PDE11A: variants seen among roughly 807,000 people sequenced by gnomAD.
PDE11A encodes the protein phosphodiesterase 11A.
A neutral mutation model predicts 100.5 loss-of-function variants in PDE11A; 100 were observed. The ratio of observed to expected loss-of-function variants is 1.00; its 90% CI spans 0.85 to 1.18. PDE11A has a LOEUF of 1.18. Among genes scored for constraint, PDE11A ranks in the 50% most tolerant of loss-of-function variants. PDE11A has a pLI of 0.00. For synonymous variants in PDE11A, 381 were observed against 420.8 expected, an observed-to-expected ratio of 0.91 and a Z score of 1.16; for missense variants, 1,141 against 1,152.6, an observed-to-expected ratio of 0.99 and a Z score of 0.15.
At chr2:177,962,911 T>A (rs779407551) in intron 2 of PDE11A, among the ~76,000 whole-genome samples, 23 of 152,152 alleles carry the variant, frequency 1.5e-4, no homozygotes, top group Admixed American at 1.3e-4. Flanking sequence ...TAATACTGTA[T>A]CCAAATGCAT....
chr2:178,009,675 T>A (rs780112518), intron 2 of PDE11A, among the ~76,000 whole-genome samples: 2 of 152,216 alleles, frequency 1.3e-5, no homozygotes, highest in Non-Finnish European at 2.9e-5. Flanking sequence ...ATGTATTACA[T>A]GATGTAGCAC....
At chr2:177,998,474 T>C in intron 2 of PDE11A, 6 of 1,356,876 alleles carry the variant, frequency 4.4e-6, no homozygotes, top group Non-Finnish European at 6.3e-6. Flanking sequence ...TTAGTATATC[T>C]GCCACTCGAG....
intron 5 of PDE11A, among the ~76,000 whole-genome samples, chr2:177,860,327 T>C (rs933970721): frequency 2.6e-5 from 4 of 151,696 alleles, no homozygotes; most frequent in Admixed American, 6.6e-5. Context: ...TTATGAATAA[T>C]GGTATGCCAA....
At chr2:177,916,285 T>C (rs546698911) in intron 2 of PDE11A, among the ~76,000 whole-genome samples, 30 of 152,168 alleles carry the variant, frequency 2.0e-4, no homozygotes, top group Non-Finnish European at 3.1e-4. Context: ...TGAGCAAGAG[T>C]CAGAAAAGAC....
chr2:177,725,307 T>TA (rs1240537151), intron 12 of PDE11A, among the ~76,000 whole-genome samples: 5 of 152,158 alleles, frequency 3.3e-5, no homozygotes, highest in Admixed American at 6.6e-5. Context: ...AGAAGATACT[T>TA]ACGTTAGAGA....
At chr2:178,078,197 T>G (rs2087231844) in intron 2 of PDE11A, among the ~76,000 whole-genome samples, 1 of 151,972 alleles carries the variant, frequency 6.6e-6, no homozygotes, top group South Asian at 2.1e-4. Context: ...ACTCTCAAAC[T>G]TCTTTTTTCC....
intron 2 of PDE11A, among the ~76,000 whole-genome samples, chr2:177,908,577 C>T (rs2084826958): frequency 6.6e-6 from 1 of 152,124 alleles, no homozygotes; most frequent in Non-Finnish European, 1.5e-5. Flanking sequence ...AAATGTGAGG[C>T]ACTATGTTTT....
intron 2 of PDE11A, among the ~76,000 whole-genome samples, chr2:178,079,417 TGCTGAGGATAATG>T (rs548020549): frequency 1.4e-3 from 218 of 152,294 alleles, no homozygotes; most frequent in African/African-American, 4.2e-3. Flanking sequence ...TGCGTTAGTT[TGCTGAGGATAATG>T]GCTTCCAGCT....
At chr2:178,014,061 C>T (rs140325922) in intron 2 of PDE11A, among the ~76,000 whole-genome samples, 459 of 152,222 alleles carry the variant, frequency 3.0e-3, no homozygotes, top group African/African-American at 0.01. Flanking sequence ...AACAAGAATA[C>T]TACCGAGGCT....
chr2:177,902,920 C>A (rs1157320779), intron 3 of PDE11A, among the ~76,000 whole-genome samples: 1 of 152,176 alleles, frequency 6.6e-6, no homozygotes, highest in African/African-American at 2.4e-5. Flanking sequence ...ACTGCTCCAG[C>A]CTTCTCCCTC....
chr2:177,909,259 A>G (rs2084840400), intron 2 of PDE11A, among the ~76,000 whole-genome samples: 3 of 152,216 alleles, frequency 2.0e-5, no homozygotes, highest in Non-Finnish European at 1.5e-5. Flanking sequence ...ATGGCAAAAG[A>G]GACTCCTGCT....
intron 1 of PDE11A, among the ~76,000 whole-genome samples, chr2:178,037,377 G>T (rs544352276): frequency 1.2e-4 from 19 of 152,190 alleles, no homozygotes; most frequent in Non-Finnish European, 2.2e-4. Context: ...AACAATAGAT[G>T]CTGGAGAGGC....
chr2:177,640,113 C>T (rs1171989757), intron 19 of PDE11A, among the ~76,000 whole-genome samples: 1 of 152,174 alleles, frequency 6.6e-6, no homozygotes, highest in African/African-American at 2.4e-5. Flanking sequence ...TGCCTTCTCT[C>T]ACCCCCACCT....
At chr2:177,633,173 G>C (rs916441543) in intron 19 of PDE11A, among the ~76,000 whole-genome samples, 2 of 152,230 alleles carry the variant, frequency 1.3e-5, no homozygotes, top group Non-Finnish European at 2.9e-5. Flanking sequence ...CCTTGCAGGT[G>C]CATCCCATTC....
In PDE11A at chr2:177,628,273, T is replaced by C. The variant is rs1321431793; in HGVS notation, c.*1134A>G. 1 of 152,666 alleles carries C rather than the reference T, an allele frequency of 6.6e-6. No individual in the cohort carries two copies. The highest frequency in any genetic ancestry group is 6.5e-5 in the Admixed American group (1 of 15,286). 9.5% of individuals were successfully genotyped at this position (152,666 alleles called of 1,614,324 possible). ...GATAGAAATCTATCTTCTAGCCCAA[T>C]GTTCTTTGGATAACACATACCATGT... is the stretch of plus-strand genomic sequence containing the variant. On this transcript the variant is annotated 3_prime_UTR_variant, in exon 20 of 20. Coordinates refer to ENST00000286063, the MANE Select transcript of PDE11A (RefSeq NM_016953.4).
At chr2:177,659,824 T>C (rs2080448122) in intron 19 of PDE11A, among the ~76,000 whole-genome samples, 1 of 152,080 alleles carries the variant, frequency 6.6e-6, no homozygotes, top group South Asian at 2.1e-4. Flanking sequence ...GCAGGGCTAA[T>C]GGATCCCCAG....
chr2:177,853,903 T>A (rs1438758912), intron 5 of PDE11A, among the ~76,000 whole-genome samples: 1 of 146,514 alleles, frequency 6.8e-6, no homozygotes, highest in African/African-American at 2.5e-5. Flanking sequence ...TAGATATATA[T>A]GTATATATGT....
At chr2:177,782,683 A>G (rs774276755) in intron 9 of PDE11A, among the ~76,000 whole-genome samples, 24 of 152,154 alleles carry the variant, frequency 1.6e-4, no homozygotes, top group Non-Finnish European at 3.2e-4. Flanking sequence ...CACCAAAAAA[A>G]TCCACTCACA....
chr2:178,009,303 A>G (rs2086248302), intron 2 of PDE11A, among the ~76,000 whole-genome samples: 2 of 152,212 alleles, frequency 1.3e-5, no homozygotes, highest in Admixed American at 1.3e-4. Flanking sequence ...AAAAATAGGA[A>G]TATTTGTTTG....
Sources: allele counts gnomAD v4.1 joint callset (sites outside exome capture counted in the v4.1 genomes callset), GRCh38; gene constraint gnomAD v4.1.1; transcripts MANE v1.5; gene names NCBI Gene and HGNC (gene_info 2026-07-23, HGNC 2026-07-21).